The following NIPBL variants were observed in gnomAD, a reference collection of about 807,000 sequenced individuals.
NIPBL encodes NIPBL cohesin loading factor.
In NIPBL, 19 loss-of-function variants were observed where a neutral mutation model predicts 321.8. That is an observed-to-expected ratio of 0.06 (90% confidence interval 0.04 to 0.09). NIPBL has a LOEUF of 0.09. NIPBL is among the 10% of genes least tolerant of loss of function. NIPBL has a pLI of 1.00. For missense variants in NIPBL, 2,210 were observed against 3,327.0 expected, an observed-to-expected ratio of 0.66 and a Z score of 8.26; for synonymous variants, 1,106 against 1,114.1, an observed-to-expected ratio of 0.99 and a Z score of 0.14.
chr5:36,919,595 A>G (rs1349154203), intron 1 of NIPBL, among the ~76,000 whole-genome samples: 1 of 152,206 alleles, frequency 6.6e-6, no homozygotes, highest in African/African-American at 2.4e-5. Flanking sequence ...GAAGGTTACA[A>G]TGCTTATTGC....
chr5:36,977,083 A>G (rs1743561207), intron 9 of NIPBL, among the ~76,000 whole-genome samples: 1 of 152,044 alleles, frequency 6.6e-6, no homozygotes, highest in Admixed American at 6.6e-5. Flanking sequence ...ATAAATTCAT[A>G]GTAAGTTCTT....
chr5:36,986,983 T>C (rs1009517357), intron 10 of NIPBL, among the ~76,000 whole-genome samples: 10 of 152,200 alleles, frequency 6.6e-5, no homozygotes, highest in African/African-American at 1.2e-4. Flanking sequence ...TGCCAAAAGA[T>C]AATGGCCATT....
At chr5:36,961,399 TTGAAAGAATAAC>T in intron 4 of NIPBL, 73 bp from the exon 5 acceptor site, 1 of 858,240 alleles carries the variant, frequency 1.2e-6, no homozygotes. Flanking sequence ...TCTGGAATGT[TTGAAAGAATAAC>T]TGATTTCAGT....
At chr5:36,991,996 C>T (rs1044357919) in intron 10 of NIPBL, among the ~76,000 whole-genome samples, 1 of 152,000 alleles carries the variant, frequency 6.6e-6, no homozygotes. Flanking sequence ...AATAATCTGG[C>T]AAGTGCTAAT....
chr5:37,001,995 A>G (rs1159425671), intron 14 of NIPBL, among the ~76,000 whole-genome samples: 1 of 152,160 alleles, frequency 6.6e-6, no homozygotes, highest in Admixed American at 6.6e-5. Context: ...TGTCTTCTGT[A>G]TCATTTAGGG....
intron 1 of NIPBL, among the ~76,000 whole-genome samples, chr5:36,931,084 C>T (rs1356869135): frequency 6.6e-6 from 1 of 152,034 alleles, no homozygotes; most frequent in African/African-American, 2.4e-5. Flanking sequence ...TAAAAGTTTG[C>T]TATTCTTTCT....
At chr5:37,052,262 A>T (rs892336859) in intron 41 of NIPBL, 104 bp from the exon 42 acceptor site, 3 of 854,894 alleles carry the variant, frequency 3.5e-6, no homozygotes, top group Admixed American at 4.2e-5. Flanking sequence ...TATTTTAATT[A>T]AAAAAAAACA....
At chr5:37,039,133 G>T (rs1752045137) in intron 34 of NIPBL, among the ~76,000 whole-genome samples, 1 of 151,812 alleles carries the variant, frequency 6.6e-6, no homozygotes, top group African/African-American at 2.4e-5. Context: ...ACAAAGACTA[G>T]CATTACTTCC....
At chr5:37,012,524 T>C (rs2149684760) in intron 21 of NIPBL, among the ~76,000 whole-genome samples, 1 of 149,008 alleles carries the variant, frequency 6.7e-6, no homozygotes, top group South Asian at 2.1e-4. Context: ...TTTGGCAGGG[T>C]CACAGGACAA....
intron 1 of NIPBL, among the ~76,000 whole-genome samples, chr5:36,925,360 C>T (rs1749274123): frequency 6.6e-6 from 1 of 151,518 alleles, no homozygotes; most frequent in Non-Finnish European, 1.5e-5. Context: ...CCTCCGCCTC[C>T]TGGGTTCAAG....
chr5:37,019,447 A>G, intron 25 of NIPBL, 47 bp downstream of exon 25: 1 of 1,425,472 alleles, frequency 7.0e-7, no homozygotes, highest in East Asian at 2.3e-5. Flanking sequence ...GTTTATTTAA[A>G]TTGGGTTTAA....
At chr5:36,978,767 A>C (rs1743803573) in intron 9 of NIPBL, among the ~76,000 whole-genome samples, 2 of 151,954 alleles carry the variant, frequency 1.3e-5, no homozygotes, top group African/African-American at 2.4e-5. Context: ...ATTTTTGTAT[A>C]GGTGAGAGGC....
At chr5:37,016,549 TC>T (rs1267357691) in intron 23 of NIPBL, among the ~76,000 whole-genome samples, 1 of 152,218 alleles carries the variant, frequency 6.6e-6, no homozygotes, top group Non-Finnish European at 1.5e-5. Flanking sequence ...TTTGTAGTCG[TC>T]ATGTAACACA....
At chr5:37,040,437 T>C (rs1273553106) in intron 34 of NIPBL, among the ~76,000 whole-genome samples, 1 of 152,172 alleles carries the variant, frequency 6.6e-6, no homozygotes, top group Non-Finnish European at 1.5e-5. Context: ...GAGGTATATA[T>C]AAATGGTTGA....
chr5:37,000,426 C>A lies in NIPBL; in HGVS notation c.3358C>A (p.Arg1120Ser). 6.2e-7 allele frequency: 1 copy of A among 1,613,198 alleles called. No individual in the cohort carries two copies. The highest frequency in any genetic ancestry group is 1.7e-5 in the Admixed American group (1 of 59,888). The change falls in exon 12 of 47, where the codon CGT becomes AGT. Residue 1120 changes from arginine (R) to serine (S), a missense_variant. Physicochemically the swap from Arg to Ser is moderately radical, Grantham distance 110. Coordinates refer to ENST00000282516, the MANE Select transcript of NIPBL (RefSeq NM_133433.4). ...TGATAAAGCTTGGGAATATGAAGAG[C>A]GTGACAGAAGAAGCTCTGGGGATCA... ...DDDKAWEYEE[R>S]DRRSSGDHRR...
chr5:37,048,695 T>C lies in NIPBL; in HGVS notation c.6763+20T>C, dbSNP rs538756143. 82 of 1,535,270 alleles carry C rather than the reference T, an allele frequency of 5.3e-5. 1 individual carries two copies. In the South Asian group the frequency reaches 6.9e-4, roughly 13 times the overall value. On this transcript the variant is annotated intron_variant, in intron 39 of 46. Transcript: ENST00000282516. The stretch of plus-strand genomic sequence containing the variant: ...GAGACTGTAAGTGAAAATATATTTT[T>C]AAATTTCATAGCTACATTTATATTA...
chr5:36,895,917 C>T (rs1561358531), intron 1 of NIPBL, among the ~76,000 whole-genome samples: 1 of 152,146 alleles, frequency 6.6e-6, no homozygotes, highest in East Asian at 1.9e-4. Flanking sequence ...TGTCTTTTCA[C>T]TTTCTTGATA....
intron 1 of NIPBL, among the ~76,000 whole-genome samples, chr5:36,952,053 T>TGTGTGTGTGTGTGTGCGTGCGC (rs778597604): frequency 3.9e-4 from 44 of 112,110 alleles, no homozygotes; most frequent in Non-Finnish European, 6.7e-4. Flanking sequence ...TGTGTGTGTG[T>TGTGTGTGTGTGTGTGCGTGCGC]GCGCGCGCGC....
At chr5:36,967,838 T>A (rs1470515596) in intron 6 of NIPBL, among the ~76,000 whole-genome samples, 1 of 152,088 alleles carries the variant, frequency 6.6e-6, no homozygotes, top group East Asian at 1.9e-4. Context: ...GATTGCTCAC[T>A]CTTGTAATCC....
Sources: allele counts gnomAD v4.1 joint callset (sites outside exome capture counted in the v4.1 genomes callset), GRCh38; gene constraint gnomAD v4.1.1; transcripts MANE v1.5; gene names NCBI Gene and HGNC (gene_info 2026-07-23, HGNC 2026-07-21).